The following SART3 variants were observed in gnomAD, a reference collection of about 807,000 sequenced individuals.
SART3 encodes the protein HIV-1 Tat-interacting protein of 110kDa.
In SART3, 44 loss-of-function variants were observed where a neutral mutation model predicts 122.3. The observed-to-expected ratio is 0.36, with a 90% CI of 0.28 to 0.46. The LOEUF is 0.46. Ranked by LOEUF, SART3 falls within the 20% of genes least tolerant of loss-of-function variation. The probability of loss-of-function intolerance (pLI) is 1.00; values close to 1 mark genes in which losing one functional copy is unlikely to be tolerated. For synonymous variants in SART3, 442 were observed against 454.0 expected (o/e 0.97, Z 0.34); for missense variants, 1,101 against 1,229.0 (o/e 0.90, Z 1.56).
chr12:108,523,631 C>A lies in SART3; in HGVS notation c.2718G>T (p.Arg906Ser). 1 of 1,614,030 alleles carries A rather than the reference C, an allele frequency of 6.2e-7. No individual in the cohort carries two copies. The highest frequency in any genetic ancestry group is 2.2e-5 in the East Asian group (1 of 44,874). The change falls in exon 19 of 19, where the codon AGG (arginine) becomes AGT (serine). Residue 906 changes from arginine to serine, a missense_variant. Transcript: ENST00000546815. Reference protein sequence around the residue: ...PMLLPQTYGARGKGRTQLSLL... With the variant: ...PMLLPQTYGASGKGRTQLSLL... The stretch of plus-strand genomic sequence containing the variant: ...GAGACAGCTGCGTCCTTCCCTTCCC[C>A]CTCCTAAAAGAGCAAACACTGAATG...
At chr12:108,558,760 G>A (rs911701772) in intron 1 of SART3, among the ~76,000 whole-genome samples, 9 of 152,170 alleles carry the variant, frequency 5.9e-5, no homozygotes, top group African/African-American at 9.7e-5. Flanking sequence ...GAGGGCAGGC[G>A]CGGTGGCTCA....
In SART3 at chr12:108,535,342, AC is replaced by A; in HGVS notation, c.1556+16del. ...GCTGACAAGCACTGCCTCCCTCCCCACCCCGAGATCAGTTACCTTTCCAGGT... is the reference window on the plus strand; with the variant it reads ...GCTGACAAGCACTGCCTCCCTCCCCACCCGAGATCAGTTACCTTTCCAGGT... On this transcript the variant is annotated intron_variant, in intron 12 of 18. Coordinates refer to ENST00000546815, the MANE Select transcript of SART3 (RefSeq NM_014706.4). 1 of 1,603,092 alleles carries A rather than the reference AC, an allele frequency of 6.2e-7. No homozygotes were observed. Among genetic ancestry groups the A allele is most frequent in the Non-Finnish European group, 8.5e-7 (1 of 1,170,506 alleles).
chr12:108,558,012 A>T, intron 1 of SART3, among the ~76,000 whole-genome samples: 1 of 152,038 alleles, frequency 6.6e-6, no homozygotes, highest in Non-Finnish European at 1.5e-5. Flanking sequence ...AAAAAAAAAT[A>T]TTTTTAATTA....
chr12:108,539,296 G>A (rs147892632), intron 6 of SART3, among the ~76,000 whole-genome samples: 32 of 152,256 alleles, frequency 2.1e-4, no homozygotes, highest in Non-Finnish European at 4.1e-4. Flanking sequence ...CATGGCAGTC[G>A]CTACAAAGGC....
At chr12:108,534,553 G>A (rs57815190) in intron 12 of SART3, among the ~76,000 whole-genome samples, 9 of 151,662 alleles carry the variant, frequency 5.9e-5, no homozygotes, top group African/African-American at 9.7e-5. Flanking sequence ...GGTGGTGCAC[G>A]CCTGTAATCC....
intron 1 of SART3, among the ~76,000 whole-genome samples, chr12:108,556,952 A>T (rs1456529762): frequency 6.6e-6 from 1 of 152,214 alleles, no homozygotes; most frequent in Admixed American, 6.5e-5. Flanking sequence ...CCATGTGTGG[A>T]TCAGCAGAAG....
At chr12:108,551,841 A>C (rs944382129) in intron 1 of SART3, among the ~76,000 whole-genome samples, 1 of 152,184 alleles carries the variant, frequency 6.6e-6, no homozygotes, top group Non-Finnish European at 1.5e-5. Flanking sequence ...TACACTTCTA[A>C]ATAATCTGCA....
At chr12:108,535,259 G>T in intron 12 of SART3, 100 bp downstream of exon 12, 2 of 899,598 alleles carry the variant, frequency 2.2e-6, no homozygotes. Flanking sequence ...AAACAGCCCA[G>T]TTCTAAGGAG....
chr12:108,555,659 T>C (rs1261788455), intron 1 of SART3, among the ~76,000 whole-genome samples: 2 of 152,186 alleles, frequency 1.3e-5, no homozygotes, highest in African/African-American at 2.4e-5. Flanking sequence ...AGCAGGACCA[T>C]GTCTCAAAAA....
chr12:108,541,070 T>C (rs541109170), intron 6 of SART3, among the ~76,000 whole-genome samples: 37 of 152,292 alleles, frequency 2.4e-4, no homozygotes, highest in Non-Finnish European at 4.4e-4. Context: ...TTTAATCTAA[T>C]TGATCACTAA....
chr12:108,528,019 C>T (rs1872471659), intron 15 of SART3, among the ~76,000 whole-genome samples: 1 of 152,098 alleles, frequency 6.6e-6, no homozygotes, highest in Admixed American at 6.5e-5. Context: ...CCCACCTCAG[C>T]CTCCCAGAGT....
At chr12:108,524,948 G>C (rs1014358173) in intron 17 of SART3, 38 of 300,512 alleles carry the variant, frequency 1.3e-4, no homozygotes, top group Non-Finnish European at 2.1e-4. Flanking sequence ...ATAAAGGGGA[G>C]GGAGAGTGGG....
chr12:108,543,213 A>AATC, intron 5 of SART3, 61 bp from the exon 6 acceptor site: 1 of 1,595,084 alleles, frequency 6.3e-7, no homozygotes, highest in Non-Finnish European at 8.6e-7. Flanking sequence ...ACCCAAACAC[A>AATC]GATTAAGCCA....
At chr12:108,538,284 G>C (rs1342351469) in intron 7 of SART3, 81 bp from the exon 8 acceptor site, 2 of 1,483,010 alleles carry the variant, frequency 1.3e-6, no homozygotes, top group Non-Finnish European at 1.9e-6. Context: ...GCACGACCAA[G>C]TGATGAAAGA....
chr12:108,536,404 T>C, intron 11 of SART3, 110 bp downstream of exon 11: 1 of 1,071,660 alleles, frequency 9.3e-7, no homozygotes, highest in Non-Finnish European at 1.4e-6. Flanking sequence ...CATAAATCCT[T>C]ATAGAGCTTA....
Position 108,532,329 on chromosome 12 carries a change from T to A in SART3, c.1562A>T (p.His521Leu). The A allele has an allele frequency of 1.2e-6, 2 of 1,613,890 alleles. No homozygotes were observed. Among genetic ancestry groups the A allele is most frequent in the Non-Finnish European group, 1.7e-6 (2 of 1,179,950 alleles). The change falls in exon 13 of 19, where the codon CAT becomes CTT. Residue 521 changes from histidine (H) to leucine (L), a missense_variant. Transcript: ENST00000546815. The stretch of plus-strand genomic sequence containing the variant: ...CTTCCGGCAGTGCTGGGTGTCACCA[T>A]GAGCTCTAAGGCAGAAAACAAAAAG... ...WLEYYNLERA[H>L]GDTQHCRKAL...
chr12:108,526,656 C>G, intron 15 of SART3, 103 bp from the exon 16 acceptor site: 1 of 1,224,754 alleles, frequency 8.2e-7, no homozygotes, highest in South Asian at 1.2e-5. Flanking sequence ...CTGCATGTGA[C>G]ACTTACTCCC....
At chr12:108,526,011 G>T in intron 16 of SART3, 88 bp downstream of exon 16, 1 of 1,112,148 alleles carries the variant, frequency 9.0e-7, no homozygotes, top group South Asian at 1.3e-5. Flanking sequence ...AAACTTCCAT[G>T]TCTATCCTAA....
chr12:108,557,206 GT>G lies in SART3; in HGVS notation c.312+3636del, dbSNP rs71076787. On this transcript the variant is annotated intron_variant, in intron 1 of 18. Coordinates refer to ENST00000546815, the MANE Select transcript of SART3 (RefSeq NM_014706.4). ...GTCTTAGAACATCATTAATGACATAGTTTTTTTTTTTTTTTTTTTTTTTTTG... is the reference window on the plus strand; with the variant it reads ...GTCTTAGAACATCATTAATGACATAGTTTTTTTTTTTTTTTTTTTTTTTTG... 3.9e-3 allele frequency among the ~76,000 whole-genome samples: 321 copies of G among 82,944 alleles called. 1 individual carries two copies. The highest frequency in any genetic ancestry group is 4.7e-3 in the African/African-American group (86 of 18,456). 54.4% of individuals were successfully genotyped at this position (82,944 alleles called of 152,430 possible).
Sources: allele counts gnomAD v4.1 joint callset (sites outside exome capture counted in the v4.1 genomes callset), GRCh38; gene constraint gnomAD v4.1.1; transcripts MANE v1.5; gene names NCBI Gene and HGNC (gene_info 2026-07-23, HGNC 2026-07-21).